Variants in DNAH5 observed in about 807,000 individuals in gnomAD.
The protein encoded by DNAH5 is dynein axonemal heavy chain 5.
Under a neutral mutation model 518.2 loss-of-function variants are expected in DNAH5, and 372 were observed. The ratio of observed to expected loss-of-function variants is 0.72; its 90% CI spans 0.66 to 0.78. DNAH5 has a LOEUF of 0.78. Among genes scored for constraint, DNAH5 ranks in the 30% least tolerant of loss-of-function variants. The probability of loss-of-function intolerance (pLI) is 0.00; values close to 1 mark genes in which losing one functional copy is unlikely to be tolerated. For missense variants in DNAH5, 5,523 were observed against 5,687.0 expected (o/e 0.97, Z 0.93); for synonymous variants, 2,039 against 2,025.9 (o/e 1.01, Z -0.17).
intron 38 of DNAH5, among the ~76,000 whole-genome samples, chr5:13,826,976 T>C (rs1762966020): frequency 6.6e-6 from 1 of 152,194 alleles, no homozygotes. Context: ...CTGAGAGTTA[T>C]ATGGACAGTG....
chr5:13,816,660 G>T lies in DNAH5; in HGVS notation c.6988+888C>A, dbSNP rs114041029. ...GTGGAACAAATCAGGAATAAAATTC[G>T]ATTTATTTCCAGTAGAACAAAAACA... On this transcript the variant is annotated intron_variant, in intron 42 of 78. Coordinates refer to ENST00000265104, the MANE Select transcript of DNAH5 (RefSeq NM_001369.3). Among the ~76,000 whole-genome samples, 810 of 151,820 alleles carry T rather than the reference G, an allele frequency of 5.3e-3. 9 individuals are homozygous for T. The highest frequency in any genetic ancestry group is 0.025 in the Admixed American group (375 of 15,240).
At chr5:13,926,565 C>T (rs1287254841) in intron 3 of DNAH5, among the ~76,000 whole-genome samples, 1 of 152,190 alleles carries the variant, frequency 6.6e-6, no homozygotes, top group African/African-American at 2.4e-5. Flanking sequence ...ATTTCGCTTT[C>T]CATCAACTGG....
chr5:13,835,098 A>G (rs572735331), intron 35 of DNAH5, among the ~76,000 whole-genome samples: 1 of 152,236 alleles, frequency 6.6e-6, no homozygotes, highest in South Asian at 2.1e-4. Flanking sequence ...CACCCTGGCC[A>G]ACACGGTGAA....
At chr5:13,716,104 C>G (rs114564308) in intron 74 of DNAH5, among the ~76,000 whole-genome samples, 1 of 152,180 alleles carries the variant, frequency 6.6e-6, no homozygotes, top group African/African-American at 2.4e-5. Flanking sequence ...GAAAACAGAA[C>G]AAATTGGGTC....
At chr5:13,981,255 T>C (rs767205090) in intron 1 of DNAH5, among the ~76,000 whole-genome samples, 4 of 152,162 alleles carry the variant, frequency 2.6e-5, no homozygotes, top group Non-Finnish European at 5.9e-5. Context: ...ATCCAGATGA[T>C]TCAGATGTCA....
chr5:13,793,194 G>A (rs1757267835), intron 49 of DNAH5, among the ~76,000 whole-genome samples: 5 of 152,112 alleles, frequency 3.3e-5, no homozygotes, highest in Admixed American at 3.3e-4. Flanking sequence ...TCAAAACTAT[G>A]TGCCCATGAG....
Position 13,894,726 on chromosome 5 carries a change from G to A in DNAH5, c.2355C>T (p.Leu785=), listed in dbSNP as rs112238091. ...AGGTCAGTGCAGCCAAGCCAGGTTG[G>A]AGAGCTTCATCCACTTTGGCCAAGT... is the stretch of plus-strand genomic sequence containing the variant. The part of the protein sequence containing the change: ...VPHLAKVDEA[L]QPGLAALTWT... Residue 785 remains leucine, a synonymous_variant, in exon 16 of 79, where the codon CTC becomes CTT. Coordinates refer to ENST00000265104, the MANE Select transcript of DNAH5 (RefSeq NM_001369.3). 303 of 1,614,152 alleles carry A rather than the reference G, an allele frequency of 1.9e-4. 1 individual carries two copies. The African/African-American group carries it at 3.5e-3, about 19-fold the overall frequency.
At chr5:13,893,313 G>A (rs184583230) in intron 16 of DNAH5, among the ~76,000 whole-genome samples, 1 of 152,268 alleles carries the variant, frequency 6.6e-6, no homozygotes, top group African/African-American at 2.4e-5. Context: ...AGCCCAGGAA[G>A]AGGTATCCAG....
At chr5:13,761,592 C>CAA (rs34662456) in intron 60 of DNAH5, among the ~76,000 whole-genome samples, 85,405 of 134,734 alleles carry the variant, frequency 0.63, 26,405 homozygotes, top group South Asian at 0.73. Flanking sequence ...GACTCCGTCT[C>CAA]AAAAAAAAAA....
At chr5:13,876,920 A>G in intron 21 of DNAH5, 103 bp from the exon 22 acceptor site, 1 of 1,169,330 alleles carries the variant, frequency 8.6e-7, no homozygotes, top group Non-Finnish European at 1.2e-6. Context: ...ACTTCTGAAA[A>G]TCTTCTCCTT....
chr5:13,844,930 T>C lies in DNAH5; in HGVS notation c.5178A>G (p.Leu1726=), dbSNP rs765172494. The change falls in exon 32 of 79, where the codon CTA becomes CTG. Residue 1726 remains leucine, a synonymous_variant. Coordinates refer to ENST00000265104, the MANE Select transcript of DNAH5 (RefSeq NM_001369.3). The part of the protein sequence containing the change: ...RFFFVSDPAL[L]EILGQASDSH... Reference sequence around the variant, plus strand: ...AGTCCGACGCCTGCCCCAGAATCTCTAGAAGGGCAGGATCTGAGACGAAGA... The same window carrying C: ...AGTCCGACGCCTGCCCCAGAATCTCCAGAAGGGCAGGATCTGAGACGAAGA... 2 of 1,614,104 alleles carry C rather than the reference T, an allele frequency of 1.2e-6. No homozygotes were observed. The highest frequency in any genetic ancestry group is 2.2e-5 in the South Asian group (2 of 91,072).
intron 75 of DNAH5, among the ~76,000 whole-genome samples, chr5:13,714,040 C>T (rs1054907048): frequency 3.3e-5 from 5 of 152,134 alleles, no homozygotes; most frequent in Non-Finnish European, 7.4e-5. Context: ...CATTAAACTA[C>T]ATAAAATGTA....
chr5:13,841,446 G>T (rs1041594312), intron 33 of DNAH5, among the ~76,000 whole-genome samples: 2 of 152,070 alleles, frequency 1.3e-5, no homozygotes, highest in Non-Finnish European at 2.9e-5. Flanking sequence ...GGAAAAAACC[G>T]TTTTAAATTA....
At chr5:13,973,570 G>C (rs1226457479) in intron 1 of DNAH5, among the ~76,000 whole-genome samples, 4 of 152,144 alleles carry the variant, frequency 2.6e-5, no homozygotes, top group Non-Finnish European at 4.4e-5. Flanking sequence ...TTGTAAAATG[G>C]AGAGGAGGAG....
intron 45 of DNAH5, 78 bp from the exon 46 acceptor site, chr5:13,809,264 T>C: frequency 6.5e-7 from 1 of 1,529,914 alleles, no homozygotes; most frequent in Non-Finnish European, 9.1e-7. Context: ...ATCCTTGAAA[T>C]CTTATGAGGT....
In DNAH5 at chr5:13,747,148, T is replaced by C. The variant is rs558924752; in HGVS notation, c.11211+3930A>G. On this transcript the variant is annotated intron_variant, in intron 65 of 78. Transcript: ENST00000265104. Reference sequence around the variant, plus strand: ...GTGAGAACATGCGGTGTTTGGTTTTTTGTCCTTGCGATAGTTTGCTGAGAA... The same window carrying C: ...GTGAGAACATGCGGTGTTTGGTTTTCTGTCCTTGCGATAGTTTGCTGAGAA... Among the ~76,000 whole-genome samples, 19 of 152,198 alleles carry C rather than the reference T, an allele frequency of 1.2e-4. No homozygotes were observed. In the South Asian group the frequency reaches 3.7e-3, roughly 30 times the overall value.
At chr5:14,007,311 T>A (rs1784788602) in intron 1 of DNAH5, among the ~76,000 whole-genome samples, 1 of 152,168 alleles carries the variant, frequency 6.6e-6, no homozygotes, top group South Asian at 2.1e-4. Context: ...TCAGAAACGA[T>A]CCACAGAGCT....
chr5:13,915,163 A>AT (rs1221079639), intron 9 of DNAH5, among the ~76,000 whole-genome samples: 1 of 152,092 alleles, frequency 6.6e-6, no homozygotes, highest in Non-Finnish European at 1.5e-5. Flanking sequence ...AAATGTATTA[A>AT]TTTTTTGGAT....
chr5:13,830,113 T>C lies in DNAH5; in HGVS notation c.6162A>G (p.Thr2054=). The change falls in exon 37 of 79, where the codon ACA becomes ACG. Residue 2054 remains threonine (T), a synonymous_variant. Coordinates refer to ENST00000265104, the MANE Select transcript of DNAH5 (RefSeq NM_001369.3). ...VAAQQISIIL[T]CKKEHKKSFI... is the part of the protein sequence containing the mutation. ...AAGACTTTTTGTGCTCCTTTTTACA[T>C]GTCAGAATAATGGAAATTTGCTGGG... 4 of 1,614,016 alleles carry C rather than the reference T, an allele frequency of 2.5e-6. No individual in the cohort carries two copies. Among genetic ancestry groups the C allele is most frequent in the Non-Finnish European group, 3.4e-6 (4 of 1,179,886 alleles).
Sources: allele counts gnomAD v4.1 joint callset (sites outside exome capture counted in the v4.1 genomes callset), GRCh38; gene constraint gnomAD v4.1.1; transcripts MANE v1.5; gene names NCBI Gene and HGNC (gene_info 2026-07-23, HGNC 2026-07-21).